SORBS2: variants seen among roughly 807,000 people sequenced by gnomAD.
SORBS2 encodes sorbin and SH3 domain containing 2.
A neutral mutation model predicts 97.7 loss-of-function variants in SORBS2; 46 were observed. The ratio of observed to expected loss-of-function variants is 0.47; its 90% confidence interval spans 0.37 to 0.60. SORBS2 has a LOEUF of 0.60. Ranked by LOEUF, SORBS2 falls within the 20% of genes least tolerant of loss-of-function variation. The pLI, the probability that SORBS2 is intolerant of heterozygous loss-of-function variation, is 0.00. For synonymous variants in SORBS2, 476 were observed against 473.4 expected (o/e 1.01, Z -0.07); for missense variants, 1,316 against 1,282.3 (o/e 1.03, Z -0.40).
Position 185,951,900 on chromosome 4 carries a change from A to G in SORBS2, c.-338+4296T>C, listed in dbSNP as rs77321582. Among the ~76,000 whole-genome samples, 31 of 152,366 alleles carry G rather than the reference A, an allele frequency of 2.0e-4. 1 individual carries two copies. In the East Asian group the frequency reaches 4.8e-3, roughly 24 times the overall value. On this transcript the variant is annotated intron_variant, in intron 1 of 20. Coordinates refer to the SORBS2 transcript ENST00000284776. ...GTGACAGGCATTTTGCTAGCCAGGC[A>G]ATCATAAATTAGAAGCCCAACTCTA...
chr4:185,875,794 G>A (rs878864607), intron 1 of SORBS2, among the ~76,000 whole-genome samples: 8 of 152,182 alleles, frequency 5.3e-5, no homozygotes, highest in Non-Finnish European at 7.3e-5. Flanking sequence ...AGTGTTGCTT[G>A]GCTTATCATA....
intron 1 of SORBS2, among the ~76,000 whole-genome samples, chr4:185,949,047 T>C (rs2150022019): frequency 6.6e-6 from 1 of 151,866 alleles, no homozygotes; most frequent in Admixed American, 6.6e-5. Flanking sequence ...TCTTTATCTA[T>C]GTGTTCAATG....
chr4:185,752,417 A>C (rs1451313983), intron 2 of SORBS2, among the ~76,000 whole-genome samples: 1 of 152,094 alleles, frequency 6.6e-6, no homozygotes, highest in African/African-American at 2.4e-5. Flanking sequence ...CTTGGACTAC[A>C]GGCGCCCGCC....
chr4:185,623,724 C>T lies in SORBS2; in HGVS notation c.1405G>A (p.Ala469Thr), dbSNP rs200642160. Residue 469 changes from alanine (A) to threonine (T), a missense_variant, in exon 7 of 15, where the codon GCT (alanine) becomes ACT (threonine). Coordinates refer to ENST00000418609, the Ensembl canonical transcript of SORBS2. This position sits in a 1 kb window ranked among gnomAD's most constrained non-coding sequence, Gnocchi z 6.4. ...GACTGGCAGCCTCGCCGGCCCCGAG[C>T]GGGGGGGCCGCTTTGATTTTCTTCC... 42 of 1,613,524 alleles carry T rather than the reference C, an allele frequency of 2.6e-5. No individual in the cohort carries two copies. Among genetic ancestry groups the T allele is most frequent in the Non-Finnish European group, 3.5e-5 (41 of 1,179,996 alleles).
At chr4:185,615,222 C>T in intron 9 of SORBS2, 63 bp from the exon 22 acceptor site, 2 of 957,114 alleles carry the variant, frequency 2.1e-6, no homozygotes, top group South Asian at 1.3e-5. Flanking sequence ...AAGATCAACA[C>T]CCTCGCTAGA....
At chr4:185,819,754 T>C (rs947807553) in intron 1 of SORBS2, among the ~76,000 whole-genome samples, 3 of 152,202 alleles carry the variant, frequency 2.0e-5, no homozygotes, top group African/African-American at 7.2e-5. Context: ...GGGGTGTCCT[T>C]GCCTATCCAG....
chr4:185,802,657 G>A (rs2099136271), intron 1 of SORBS2, among the ~76,000 whole-genome samples: 1 of 152,174 alleles, frequency 6.6e-6, no homozygotes, highest in Non-Finnish European at 1.5e-5. Context: ...TCTACCAGGA[G>A]GGGAAACTCC....
chr4:185,712,145 C>T (rs138628078), intron 2 of SORBS2, among the ~76,000 whole-genome samples: 12 of 152,278 alleles, frequency 7.9e-5, no homozygotes, highest in South Asian at 2.1e-4. Context: ...CCTCTTTACC[C>T]GCTAAAATGT....
intron 1 of SORBS2, among the ~76,000 whole-genome samples, chr4:185,928,107 GAA>G (rs34720066): frequency 6.6e-6 from 1 of 151,376 alleles, no homozygotes; most frequent in Non-Finnish European, 1.5e-5. Flanking sequence ...AAGAAGCATA[GAA>G]AAAAAAATAT....
At chr4:185,868,074 A>G (rs1254948270) in intron 1 of SORBS2, among the ~76,000 whole-genome samples, 1 of 151,994 alleles carries the variant, frequency 6.6e-6, no homozygotes, top group African/African-American at 2.4e-5. Flanking sequence ...CTAACTTCCA[A>G]CAGGAATTTA....
chr4:185,846,693 G>C (rs1243176927), intron 1 of SORBS2, among the ~76,000 whole-genome samples: 1 of 152,190 alleles, frequency 6.6e-6, no homozygotes, highest in Non-Finnish European at 1.5e-5. Flanking sequence ...TATTCAATGA[G>C]GTAGAAAGCA....
chr4:185,613,036 T>C (rs1020162203), intron 11 of SORBS2, among the ~76,000 whole-genome samples: 5 of 152,208 alleles, frequency 3.3e-5, no homozygotes, highest in Non-Finnish European at 7.3e-5. Flanking sequence ...CCACCTGCCA[T>C]GACCGAGCCA....
chr4:185,742,291 T>C (rs1350851319), intron 2 of SORBS2, among the ~76,000 whole-genome samples: 1 of 152,236 alleles, frequency 6.6e-6, no homozygotes, highest in Non-Finnish European at 1.5e-5. Flanking sequence ...AATAAACATA[T>C]GCACCCAGGA....
At chr4:185,678,425 G>C (rs769101988) in exon 4 of SORBS2, 1 of 1,549,622 alleles carries the variant, frequency 6.5e-7, no homozygotes, top group Non-Finnish European at 8.7e-7. Context: ...AGGGTTACCT[G>C]AGTTGGTGAT....
At chr4:185,779,937 G>C in intron 1 of SORBS2, among the ~76,000 whole-genome samples, 1 of 152,082 alleles carries the variant, frequency 6.6e-6, no homozygotes. Context: ...AGAAGGGATG[G>C]GGATGAACAG....
chr4:185,602,229 T>C (rs535101811), intron 12 of SORBS2, among the ~76,000 whole-genome samples: 181 of 151,590 alleles, frequency 1.2e-3, no homozygotes, highest in African/African-American at 4.2e-3. Flanking sequence ...AGGCTGGTCT[T>C]GAACTCCTGA....
At chr4:185,760,515 A>C (rs1295919896) in intron 2 of SORBS2, among the ~76,000 whole-genome samples, 1 of 152,218 alleles carries the variant, frequency 6.6e-6, no homozygotes, top group Non-Finnish European at 1.5e-5. Context: ...GTGAGCTGAG[A>C]TCGCGCCATT....
At chr4:185,824,912 G>A (rs73017886) in intron 1 of SORBS2, among the ~76,000 whole-genome samples, 4,286 of 152,250 alleles carry the variant, frequency 0.028, 210 homozygotes, top group African/African-American at 0.097. Context: ...ACGGGTGGCA[G>A]GCGGGCTGAT....
At chr4:185,940,344 C>T (rs2099271281) in intron 1 of SORBS2, among the ~76,000 whole-genome samples, 1 of 152,212 alleles carries the variant, frequency 6.6e-6, no homozygotes, top group Admixed American at 6.5e-5. Flanking sequence ...AAACTCCTTC[C>T]TCATAAATGT....
Sources: gnomAD v4.1 joint callset for allele counts (sites outside exome capture counted in the v4.1 genomes callset) on GRCh38, gnomAD v4.1.1 for gene constraint, Gnocchi (gnomAD v3.1) non-coding constraint, MANE v1.5 for transcripts, NCBI Gene and HGNC (gene_info 2026-07-23, HGNC 2026-07-21) for gene names.